Variants in SULT1B1 observed in about 807,000 individuals in gnomAD.
The protein encoded by SULT1B1 is sulfotransferase 1B1.
SULT1B1 carries 28 observed loss-of-function variants against 34.6 expected under a neutral mutation model. That is an observed-to-expected ratio of 0.81 (90% CI 0.60 to 1.11). The LOEUF is 1.11. Among genes scored for constraint, SULT1B1 ranks in the 50% least tolerant of loss-of-function variants. SULT1B1 has a pLI of 0.00. For synonymous variants in SULT1B1, 147 were observed against 110.2 expected, an observed-to-expected ratio of 1.33 and a Z score of -2.09; for missense variants, 374 against 352.2, an observed-to-expected ratio of 1.06 and a Z score of -0.50.
intron 4 of SULT1B1, among the ~76,000 whole-genome samples, chr4:69,736,570 C>T (rs761919233): frequency 1.3e-5 from 2 of 150,740 alleles, no homozygotes; most frequent in Non-Finnish European, 3.0e-5. Flanking sequence ...TATATATATA[C>T]ATATGGTATA....
At chr4:69,753,402 A>G (rs1578067778) in intron 3 of SULT1B1, among the ~76,000 whole-genome samples, 1 of 152,236 alleles carries the variant, frequency 6.6e-6, no homozygotes, top group East Asian at 1.9e-4. Flanking sequence ...AACAACAACA[A>G]AAAACAAAAA....
In SULT1B1 at chr4:69,733,445, T is replaced by C; in HGVS notation, c.565A>G (p.Ile189Val). Reference protein sequence around the residue: ...NWWKKKEEHPILFLYYEDMKE... With the variant: ...NWWKKKEEHPVLFLYYEDMKE... ...ATATCTTCATAGTACAAAAAAAGTATTGGGTGTTCTTCCTTTTTCTTCCAC... is the reference window on the plus strand; with the variant it reads ...ATATCTTCATAGTACAAAAAAAGTACTGGGTGTTCTTCCTTTTTCTTCCAC... Residue 189 changes from isoleucine to valine, a missense_variant, in exon 6 of 8, where the codon ATA (isoleucine) becomes GTA (valine). Physicochemically the swap from Ile to Val is conservative, Grantham distance 29. Transcript: ENST00000310613. The C allele has an allele frequency of 3.1e-6, 5 of 1,608,558 alleles. No individual in the cohort carries two copies. Among genetic ancestry groups the C allele is most frequent in the Non-Finnish European group, 4.2e-6 (5 of 1,177,982 alleles).
chr4:69,745,166 C>T (rs1284054269), intron 4 of SULT1B1, among the ~76,000 whole-genome samples: 1 of 152,112 alleles, frequency 6.6e-6, no homozygotes, highest in Admixed American at 6.5e-5. Flanking sequence ...TGTGGTCAAT[C>T]ATACAATATG....
chr4:69,740,294 T>A (rs1718493809), intron 4 of SULT1B1, among the ~76,000 whole-genome samples: 1 of 152,204 alleles, frequency 6.6e-6, no homozygotes, highest in Admixed American at 6.5e-5. Flanking sequence ...GACTCACAGT[T>A]TCCTATTGCT....
intron 4 of SULT1B1, 50 bp from the exon 5 acceptor site, chr4:69,734,314 T>C: frequency 6.3e-7 from 1 of 1,575,484 alleles, no homozygotes; most frequent in Non-Finnish European, 8.6e-7. Context: ...AAAGACATTT[T>C]GTTTAGGAAA....
intron 4 of SULT1B1, among the ~76,000 whole-genome samples, chr4:69,737,794 G>A (rs185884985): frequency 5.9e-5 from 9 of 152,138 alleles, no homozygotes; most frequent in African/African-American, 1.4e-4. Flanking sequence ...GAAAATAAAC[G>A]AGATATGAAA....
rs1367571778 is a variant in SULT1B1 at position 69,755,207 on chromosome 4, G to A, written c.11C>T (p.Pro4Leu). 1.2e-6 allele frequency: 2 copies of A among 1,613,078 alleles called. No individual in the cohort carries two copies. The highest frequency in any genetic ancestry group is 1.7e-6 in the Non-Finnish European group (2 of 1,179,298). The change falls in exon 2 of 8, where the codon CCA (proline) becomes CTA (leucine). Residue 4 changes from proline to leucine, a missense_variant. Transcript: ENST00000310613. MLS[P>L]KDILRKDLKL... is the part of the protein sequence containing the mutation. ...CAGATCTTTTCGCAGAATATCTTTT[G>A]GGGAAAGCATTTTAATACCAGATTG...
At chr4:69,729,242 C>T (rs1717962051) in intron 7 of SULT1B1, among the ~76,000 whole-genome samples, 1 of 151,952 alleles carries the variant, frequency 6.6e-6, no homozygotes, top group Non-Finnish European at 1.5e-5. Context: ...CTTGCGCTGG[C>T]CAGGTTCACT....
intron 4 of SULT1B1, 126 bp from the exon 5 acceptor site, chr4:69,734,390 G>T: frequency 1.0e-6 from 1 of 1,002,764 alleles, no homozygotes; most frequent in South Asian, 1.7e-5. Flanking sequence ...GGCCAGGGAG[G>T]CCCTTCTATT....
chr4:69,731,393 C>T (rs1283192806), intron 6 of SULT1B1, among the ~76,000 whole-genome samples: 1 of 152,146 alleles, frequency 6.6e-6, no homozygotes, highest in Non-Finnish European at 1.5e-5. Flanking sequence ...CCCCTTGCAC[C>T]CTGTTCATGG....
intron 3 of SULT1B1, among the ~76,000 whole-genome samples, chr4:69,752,394 G>T (rs1036681288): frequency 1.3e-5 from 2 of 152,138 alleles, no homozygotes; most frequent in Non-Finnish European, 1.5e-5. Flanking sequence ...AAGTACTTGG[G>T]AAGGTTTGTC....
chr4:69,721,799 G>C lies in SULT1B1; in HGVS notation c.*5289C>G, dbSNP rs547730625. On this transcript the variant is annotated 3_prime_UTR_variant, in exon 8 of 8. Transcript: ENST00000310613. ...AGAAAATAGCCCTTTAGTTTATTAA[G>C]GAAAATTTCCATGGATGAGGAAATA... is the stretch of plus-strand genomic sequence containing the variant. The C allele has an allele frequency of 1.8e-4, 28 of 152,122 alleles. No individual in the cohort carries two copies. The highest frequency in any genetic ancestry group is 6.7e-4 in the African/African-American group (28 of 41,526). 9.4% of individuals were successfully genotyped at this position (152,122 alleles called of 1,614,324 possible).
intron 4 of SULT1B1, among the ~76,000 whole-genome samples, chr4:69,747,944 T>C (rs1308094104): frequency 6.6e-6 from 1 of 152,088 alleles, no homozygotes; most frequent in Non-Finnish European, 1.5e-5. Flanking sequence ...CCAAAGATTT[T>C]TTTGGAGTAT....
chr4:69,758,903 G>A (rs1431273493), intron 1 of SULT1B1, among the ~76,000 whole-genome samples: 1 of 152,098 alleles, frequency 6.6e-6, no homozygotes, highest in Admixed American at 6.5e-5. Context: ...CAAGCCCCAT[G>A]TGTTATTGGC....
At chr4:69,757,908 A>G (rs1275583107) in intron 1 of SULT1B1, among the ~76,000 whole-genome samples, 1 of 152,196 alleles carries the variant, frequency 6.6e-6, no homozygotes, top group Non-Finnish European at 1.5e-5. Flanking sequence ...AGCAGTCTCA[A>G]AATAGATTAG....
intron 7 of SULT1B1, among the ~76,000 whole-genome samples, chr4:69,730,074 T>C (rs1450163908): frequency 6.6e-6 from 1 of 152,128 alleles, no homozygotes; most frequent in Non-Finnish European, 1.5e-5. Flanking sequence ...TTATTTTTAA[T>C]ACAATTACCA....
Position 69,755,112 on chromosome 4 carries a change from T to C in SULT1B1, c.106A>G (p.Ser36Gly). 1 of 1,614,006 alleles carries C rather than the reference T, an allele frequency of 6.2e-7. No individual in the cohort carries two copies. The highest frequency in any genetic ancestry group is 1.1e-5 in the South Asian group (1 of 91,076). ...SNWEKIEQFH[S>G]RPDDIVIATY... Reference sequence around the variant, plus strand: ...GCTATCACAATGTCATCTGGTCTGCTATGGAACTGTTCAATTTTTTCCCAG... The same window carrying C: ...GCTATCACAATGTCATCTGGTCTGCCATGGAACTGTTCAATTTTTTCCCAG... The change falls in exon 2 of 8, where the codon AGC (serine) becomes GGC (glycine). Residue 36 changes from serine to glycine, a missense_variant. Physicochemically the swap from Ser to Gly is moderately conservative, Grantham distance 56. Coordinates refer to ENST00000310613, the MANE Select transcript of SULT1B1 (RefSeq NM_014465.4).
chr4:69,729,598 G>A (rs1717982654), intron 7 of SULT1B1, among the ~76,000 whole-genome samples: 1 of 152,020 alleles, frequency 6.6e-6, no homozygotes, highest in South Asian at 2.1e-4. Context: ...AGCACAATTT[G>A]AAAACACTAG....
At chr4:69,747,662 G>A (rs116584097) in intron 4 of SULT1B1, among the ~76,000 whole-genome samples, 2,057 of 152,296 alleles carry the variant, frequency 0.014, 41 homozygotes, top group African/African-American at 0.046. Context: ...ACTCCACACA[G>A]CGTAGAGTAC....
Sources: allele counts gnomAD v4.1 joint callset (sites outside exome capture counted in the v4.1 genomes callset), GRCh38; gene constraint gnomAD v4.1.1; transcripts MANE v1.5; gene names NCBI Gene and HGNC (gene_info 2026-07-23, HGNC 2026-07-21).